VAV3: variants seen among roughly 807,000 people sequenced by gnomAD.
The protein encoded by VAV3 is vav guanine nucleotide exchange factor 3.
VAV3 carries 94 observed loss-of-function variants against 131.2 expected under a neutral mutation model. The ratio of observed to expected loss-of-function variants is 0.72; its 90% CI spans 0.61 to 0.85. The LOEUF (loss-of-function observed/expected upper bound fraction) is 0.85. VAV3 is among the 40% of genes least tolerant of loss of function. The pLI is 0.00. For synonymous variants in VAV3, 349 were observed against 342.0 expected (o/e 1.02, Z -0.22); for missense variants, 939 against 1,002.7 (o/e 0.94, Z 0.86).
At chr1:107,886,116 G>T (rs941339981) in intron 1 of VAV3, among the ~76,000 whole-genome samples, 1 of 152,206 alleles carries the variant, frequency 6.6e-6, no homozygotes, top group Admixed American at 6.5e-5. Flanking sequence ...AATTCAACTG[G>T]AAGTCAGAAT....
chr1:107,724,892 A>G (rs201277774), intron 15 of VAV3, among the ~76,000 whole-genome samples: 7 of 1,376 alleles, frequency 5.1e-3, no homozygotes, highest in Non-Finnish European at 0.016. Flanking sequence ...ATTTGTGCAT[A>G]TACTCCAGAA....
At chr1:107,725,313 T>A (rs1213957199) in intron 15 of VAV3, among the ~76,000 whole-genome samples, 2 of 152,096 alleles carry the variant, frequency 1.3e-5, no homozygotes, top group African/African-American at 4.8e-5. Flanking sequence ...CACTAGCAGA[T>A]CCTTAACATC....
At chr1:107,785,673 C>T in intron 2 of VAV3, 1 of 1,108,704 alleles carries the variant, frequency 9.0e-7, no homozygotes, top group Non-Finnish European at 1.1e-6. Context: ...ACTTGGGCCC[C>T]AGAAGAGGGA....
At chr1:107,576,684 A>G (rs1649674520) in intron 25 of VAV3, among the ~76,000 whole-genome samples, 1 of 152,158 alleles carries the variant, frequency 6.6e-6, no homozygotes, top group South Asian at 2.1e-4. Context: ...CCCACTCCAC[A>G]TTGCCATCTT....
chr1:107,627,331 C>T (rs767402756), intron 20 of VAV3, among the ~76,000 whole-genome samples: 2 of 152,074 alleles, frequency 1.3e-5, no homozygotes, highest in Non-Finnish European at 2.9e-5. Flanking sequence ...TTTAAATCAA[C>T]CAATCTCTTC....
chr1:107,877,046 C>A (rs978196647), intron 1 of VAV3, among the ~76,000 whole-genome samples: 5 of 151,952 alleles, frequency 3.3e-5, no homozygotes, highest in Admixed American at 2.0e-4. Flanking sequence ...CACACTTTAC[C>A]CTTCACGGGA....
chr1:107,790,274 TTTGA>T (rs746816428), intron 2 of VAV3, among the ~76,000 whole-genome samples: 1 of 152,178 alleles, frequency 6.6e-6, no homozygotes, highest in African/African-American at 2.4e-5. Flanking sequence ...ACATCAACTG[TTTGA>T]TTATTTTCTC....
At chr1:107,609,902 C>T in intron 22 of VAV3, 29 bp downstream of exon 22, 1 of 1,608,222 alleles carries the variant, frequency 6.2e-7, no homozygotes, top group South Asian at 1.1e-5. Flanking sequence ...GTATTTCAAC[C>T]TAGCTACATA....
intron 8 of VAV3, among the ~76,000 whole-genome samples, chr1:107,765,409 T>G: frequency 6.6e-6 from 1 of 152,200 alleles, no homozygotes; most frequent in Non-Finnish European, 1.5e-5. Context: ...TATGTAAATT[T>G]TTATAGCAGG....
chr1:107,634,765 C>T (rs1360170447), intron 20 of VAV3, among the ~76,000 whole-genome samples: 3 of 151,250 alleles, frequency 2.0e-5, no homozygotes, highest in African/African-American at 7.3e-5. Context: ...TGAACTCAAA[C>T]AAATTTACAA....
chr1:107,932,828 T>C (rs568214821), intron 1 of VAV3, among the ~76,000 whole-genome samples: 16 of 152,332 alleles, frequency 1.1e-4, no homozygotes, highest in African/African-American at 3.6e-4. Flanking sequence ...AGGTGGCCTC[T>C]GGAAGTTGAA....
At chr1:107,798,946 A>C (rs996999902) in intron 2 of VAV3, among the ~76,000 whole-genome samples, 7 of 152,124 alleles carry the variant, frequency 4.6e-5, no homozygotes, top group African/African-American at 1.7e-4. Context: ...AATGATTTTC[A>C]AATTTTTTTC....
intron 10 of VAV3, 137 bp from the exon 11 acceptor site, chr1:107,757,466 T>C: frequency 1.3e-6 from 1 of 741,268 alleles, no homozygotes; most frequent in Non-Finnish European, 2.0e-6. Context: ...CTGGGCTCCA[T>C]TTCCATCAAA....
At chr1:107,727,544 AAATG>A (rs1661923487) in intron 15 of VAV3, among the ~76,000 whole-genome samples, 1 of 152,260 alleles carries the variant, frequency 6.6e-6, no homozygotes, top group South Asian at 2.1e-4. Flanking sequence ...CTCATTTGCC[AAATG>A]AATTTAAAAA....
At chr1:107,717,677 A>G (rs1324016689) in intron 15 of VAV3, among the ~76,000 whole-genome samples, 2 of 152,202 alleles carry the variant, frequency 1.3e-5, no homozygotes, top group Non-Finnish European at 2.9e-5. Flanking sequence ...CAATTTTGGA[A>G]TAAGTGTGAT....
At chr1:107,855,251 G>T (rs1669417129) in intron 2 of VAV3, among the ~76,000 whole-genome samples, 2 of 152,146 alleles carry the variant, frequency 1.3e-5, no homozygotes, top group Admixed American at 1.3e-4. Flanking sequence ...GGCTCTTCAA[G>T]AAATCTCTGG....
chr1:107,602,286 TTAAA>T, intron 24 of VAV3, 107 bp downstream of exon 24: 1 of 680,000 alleles, frequency 1.5e-6, no homozygotes, highest in South Asian at 2.0e-5. Context: ...ATGATTATCT[TTAAA>T]TAACTTTTCA....
intron 2 of VAV3, among the ~76,000 whole-genome samples, chr1:107,806,418 A>AC (rs1248785613): frequency 7.2e-6 from 1 of 138,610 alleles, no homozygotes; most frequent in East Asian, 2.4e-4. Context: ...GTTCTGGGAT[A>AC]TTGTTAGTCT....
chr1:107,842,604 G>A (rs1043493715), intron 2 of VAV3, among the ~76,000 whole-genome samples: 1 of 152,204 alleles, frequency 6.6e-6, no homozygotes, highest in Non-Finnish European at 1.5e-5. Flanking sequence ...GCAAAGGTTT[G>A]AGGCAAGGTA....
Sources: gnomAD v4.1 joint callset for allele counts (sites outside exome capture counted in the v4.1 genomes callset) on GRCh38, gnomAD v4.1.1 for gene constraint, MANE v1.5 for transcripts, NCBI Gene and HGNC (gene_info 2026-07-23, HGNC 2026-07-21) for gene names.